FLRT2: variants seen among roughly 807,000 people sequenced by gnomAD.
FLRT2 encodes the protein leucine-rich repeat transmembrane protein FLRT2.
A neutral mutation model predicts 40.0 loss-of-function variants in FLRT2; 15 were observed. The ratio of observed to expected loss-of-function variants is 0.38; its 90% CI spans 0.25 to 0.58. The LOEUF (loss-of-function observed/expected upper bound fraction) is 0.58. Ranked by LOEUF, FLRT2 falls within the 20% of genes least tolerant of loss-of-function variation. The pLI is 0.71. For missense variants in FLRT2, 726 were observed against 840.0 expected (o/e 0.86, Z 1.68); for synonymous variants, 380 against 336.8 (o/e 1.13, Z -1.41).
chr14:85,597,101 G>A (rs769509146), intron 1 of FLRT2, among the ~76,000 whole-genome samples: 4 of 152,108 alleles, frequency 2.6e-5, no homozygotes, highest in Non-Finnish European at 4.4e-5. Flanking sequence ...TGCTCAAAAG[G>A]TATGACAACT....
rs571965407 is a variant in FLRT2, at chr14:85,540,109, G to A, written c.-377+9575G>A. Reference sequence around the variant, plus strand: ...CATCAATGTTTTCTGAAATGAGGTCGTTTCTCTTTTTGACTGGATTTACAG... The same window carrying A: ...CATCAATGTTTTCTGAAATGAGGTCATTTCTCTTTTTGACTGGATTTACAG... On this transcript the variant is annotated intron_variant, in intron 1 of 1. Transcript: ENST00000330753. Among the ~76,000 whole-genome samples the A allele has an allele frequency of 3.9e-5, 6 of 152,156 alleles. No individual in the cohort carries two copies. In the South Asian group the frequency reaches 1.0e-3, roughly 26 times the overall value.
chr14:85,620,525 T>C (rs1052796772), intron 1 of FLRT2, among the ~76,000 whole-genome samples: 1 of 152,180 alleles, frequency 6.6e-6, no homozygotes, highest in African/African-American at 2.4e-5. Flanking sequence ...TAAAAGGAAA[T>C]GGCAACTTAT....
At position 85,625,006 on chromosome 14, in the gene FLRT2, G is replaced by A. The variant is rs1413427565; in HGVS notation, c.*1509G>A. On this transcript the variant is annotated 3_prime_UTR_variant, in exon 2 of 2. Transcript: ENST00000330753. ...TAGCAGGACAACCCATGAAAAACAA[G>A]TCAGAGAGTGAAGGCTTTTTCCCCT... 2 of 167,022 alleles carry A rather than the reference G, an allele frequency of 1.2e-5. No homozygotes were observed. The highest frequency in any genetic ancestry group is 2.4e-5 in the African/African-American group (1 of 41,450). The allele number at this position is 167,022 out of a possible 1,614,324, so 10.3% of individuals were successfully genotyped here. A position where few individuals can be genotyped will look rare whatever the true frequency, so the allele number is the denominator to read the frequency against.
intron 1 of FLRT2, among the ~76,000 whole-genome samples, chr14:85,584,677 GC>G (rs1891539627): frequency 6.6e-6 from 1 of 152,134 alleles, no homozygotes; most frequent in Non-Finnish European, 1.5e-5. Context: ...GCAGTTGCTG[GC>G]CGCCCCTGCA....
At chr14:85,611,724 C>T (rs1210187573) in intron 1 of FLRT2, among the ~76,000 whole-genome samples, 1 of 152,184 alleles carries the variant, frequency 6.6e-6, no homozygotes, top group African/African-American at 2.4e-5. Context: ...TCTCTCATCA[C>T]TCTCACTGTT....
In FLRT2 at chr14:85,634,847, C is replaced by T. The variant is rs568524993; in HGVS notation, c.*11350C>T. On this transcript the variant is annotated 3_prime_UTR_variant, in exon 2 of 2. Coordinates refer to ENST00000330753, the MANE Select transcript of FLRT2 (RefSeq NM_013231.6). ...AATCTCCTTTGTATCTTGGATAAGA[C>T]CACTTCTCTCTCGGGCTTGTTTCTT... 6.6e-6 allele frequency: 1 copy of T among 152,098 alleles called. No homozygotes were observed. The highest frequency in any genetic ancestry group is 1.9e-4 in the East Asian group (1 of 5,192). 9.4% of individuals were successfully genotyped at this position (152,098 alleles called of 1,614,324 possible).
intron 1 of FLRT2, among the ~76,000 whole-genome samples, chr14:85,542,537 G>T (rs764823867): frequency 1.3e-5 from 2 of 152,052 alleles, no homozygotes; most frequent in Non-Finnish European, 2.9e-5. Flanking sequence ...GAGAGAAGCA[G>T]GCACTAGAGT....
chr14:85,620,511 A>T (rs755370996), intron 1 of FLRT2, among the ~76,000 whole-genome samples: 14 of 152,172 alleles, frequency 9.2e-5, no homozygotes, highest in Non-Finnish European at 1.6e-4. Context: ...TTTAAAATAC[A>T]TTTTAAAAGG....
In FLRT2 at chr14:85,649,866, T is replaced by C. The variant is rs1371390591; in HGVS notation, c.*26369T>C. The C allele has an allele frequency of 6.6e-6, 1 of 152,100 alleles. No homozygotes were observed. Among genetic ancestry groups the C allele is most frequent in the Non-Finnish European group, 1.5e-5 (1 of 67,978 alleles). The allele number at this position is 152,100 out of a possible 1,614,324, so 9.4% of individuals were successfully genotyped here. Reference sequence around the variant, plus strand: ...ACACATAAAATACTTTCTCATATTCTGAAGAATGAAGCATTTCTGTCCTAG... The same window carrying C: ...ACACATAAAATACTTTCTCATATTCCGAAGAATGAAGCATTTCTGTCCTAG... On this transcript the variant is annotated 3_prime_UTR_variant, in exon 2 of 2. Transcript: ENST00000330753.
Position 85,631,625 on chromosome 14 carries a change from G to A in FLRT2, c.*8128G>A, listed in dbSNP as rs1435704100. 4 of 151,984 alleles carry A rather than the reference G, an allele frequency of 2.6e-5. No individual in the cohort carries two copies. Among genetic ancestry groups the A allele is most frequent in the East Asian group, 3.9e-4 (2 of 5,168 alleles). The allele number at this position is 151,984 out of a possible 1,614,324, so 9.4% of individuals were successfully genotyped here. A position where few individuals can be genotyped will look rare whatever the true frequency, so the allele number is the denominator to read the frequency against. ...GCCTTGCTCAAAGACCACAGTATGCGTTTTACAAGAACAAACAAACATATA... is the reference window on the plus strand; with the variant it reads ...GCCTTGCTCAAAGACCACAGTATGCATTTTACAAGAACAAACAAACATATA... On this transcript the variant is annotated 3_prime_UTR_variant, in exon 2 of 2. Transcript: ENST00000330753.
intron 1 of FLRT2, among the ~76,000 whole-genome samples, chr14:85,612,017 A>G (rs577311049): frequency 6.2e-4 from 89 of 143,394 alleles, no homozygotes; most frequent in African/African-American, 2.3e-3. Context: ...TTATATGCAC[A>G]AGGCCTGGGT....
intron 1 of FLRT2, among the ~76,000 whole-genome samples, chr14:85,606,242 A>G (rs949245439): frequency 1.3e-5 from 2 of 152,218 alleles, no homozygotes; most frequent in South Asian, 2.1e-4. Context: ...AGCAACCGCT[A>G]ACACTCAGTA....
At position 85,640,426 on chromosome 14, in the gene FLRT2, A is replaced by C. The variant is rs556538267; in HGVS notation, c.*16929A>C. 2.0e-5 allele frequency: 3 copies of C among 152,344 alleles called. No individual in the cohort carries two copies. The highest frequency in any genetic ancestry group is 4.4e-5 in the Non-Finnish European group (3 of 68,036). The allele number at this position is 152,344 out of a possible 1,614,324, so 9.4% of individuals were successfully genotyped here. ...TTTCCTTGGGAAGTAAACTTTGGTC[A>C]CCACAATATACATAGCAAGTATTAA... is the stretch of plus-strand genomic sequence containing the variant. On this transcript the variant is annotated 3_prime_UTR_variant, in exon 2 of 2. Transcript: ENST00000330753.
intron 1 of FLRT2, among the ~76,000 whole-genome samples, chr14:85,620,173 C>A (rs1184753017): frequency 6.6e-6 from 1 of 152,144 alleles, no homozygotes; most frequent in African/African-American, 2.4e-5. Flanking sequence ...AGAAAAAAGT[C>A]TCTCTGCCTT....
At chr14:85,578,178 C>T (rs12434630) in intron 1 of FLRT2, among the ~76,000 whole-genome samples, 2 of 94,170 alleles carry the variant, frequency 2.1e-5, no homozygotes, top group African/African-American at 5.8e-5. Context: ...ATAAAAATAT[C>T]TTTATATATA....
At chr14:85,585,991 A>G (rs1359427843) in intron 1 of FLRT2, among the ~76,000 whole-genome samples, 1 of 149,248 alleles carries the variant, frequency 6.7e-6, no homozygotes, top group Admixed American at 6.7e-5. Flanking sequence ...ATGTAAATAT[A>G]TTTCATTAAA....
At chr14:85,549,853 G>A (rs575037292) in intron 1 of FLRT2, among the ~76,000 whole-genome samples, 67 of 144,472 alleles carry the variant, frequency 4.6e-4, no homozygotes, top group African/African-American at 1.3e-3. Flanking sequence ...AGGCAATTCC[G>A]TAAGGCTGTG....
At chr14:85,563,789 A>C (rs1228314420) in intron 1 of FLRT2, among the ~76,000 whole-genome samples, 2 of 152,176 alleles carry the variant, frequency 1.3e-5, no homozygotes, top group African/African-American at 4.8e-5. Context: ...GTAATCTTAA[A>C]ATAGAAAAAC....
chr14:85,560,688 G>A (rs898041257), intron 1 of FLRT2, among the ~76,000 whole-genome samples: 1 of 151,738 alleles, frequency 6.6e-6, no homozygotes, highest in African/African-American at 2.4e-5. Flanking sequence ...CACACAGAAT[G>A]TATGCTGTGT....
Sources: allele counts gnomAD v4.1 joint callset (sites outside exome capture counted in the v4.1 genomes callset), GRCh38; gene constraint gnomAD v4.1.1; transcripts MANE v1.5; gene names NCBI Gene and HGNC (gene_info 2026-07-23, HGNC 2026-07-21).